CDH12: variants seen among roughly 807,000 people sequenced by gnomAD.
The protein encoded by CDH12 is cadherin 12.
CDH12 carries 41 observed loss-of-function variants against 74.1 expected under a neutral mutation model. The observed-to-expected ratio is 0.55, with a 90% CI of 0.43 to 0.72. The LOEUF (loss-of-function observed/expected upper bound fraction) is 0.72, where lower values mean the gene tolerates loss of function less well. CDH12 is among the 30% of genes least tolerant of loss of function. The pLI is 0.00. For missense variants in CDH12, 945 were observed against 977.2 expected (o/e 0.97, Z 0.44); for synonymous variants, 399 against 355.0 (o/e 1.12, Z -1.39).
chr5:21,840,430 A>G lies in CDH12; in HGVS notation c.814+1731T>C, dbSNP rs960121779. On this transcript the variant is annotated intron_variant, in intron 8 of 14. Transcript: ENST00000382254. ...AAATGTTCAACCCTGAAGATTTGTA[A>G]TTTTTTTTTTTTTAGATTCAATACC... Among the ~76,000 whole-genome samples the G allele has an allele frequency of 6.1e-5, 9 of 148,016 alleles. No homozygotes were observed. The South Asian group carries it at 1.9e-3, about 32-fold the overall frequency.
chr5:22,154,364 A>G (rs1170611424), intron 4 of CDH12, among the ~76,000 whole-genome samples: 2 of 151,210 alleles, frequency 1.3e-5, no homozygotes, highest in Non-Finnish European at 2.9e-5. Flanking sequence ...GAAAATTTCT[A>G]TCCTTTGACC....
At chr5:22,235,784 T>C (rs937566443) in intron 3 of CDH12, among the ~76,000 whole-genome samples, 1 of 152,150 alleles carries the variant, frequency 6.6e-6, no homozygotes, top group African/African-American at 2.4e-5. Context: ...GTTCATACAG[T>C]CCTGCCTCAC....
chr5:22,453,301 T>C (rs1405816621), intron 2 of CDH12, among the ~76,000 whole-genome samples: 1 of 152,116 alleles, frequency 6.6e-6, no homozygotes, highest in Non-Finnish European at 1.5e-5. Context: ...TATTGCAGCA[T>C]TCTTCACAAT....
At chr5:22,360,709 G>A (rs917459261) in intron 3 of CDH12, among the ~76,000 whole-genome samples, 4 of 152,162 alleles carry the variant, frequency 2.6e-5, no homozygotes, top group African/African-American at 7.2e-5. Context: ...GAATCCAGCA[G>A]CATGTCAAAA....
At chr5:22,507,454 G>C (rs1736435199) in intron 1 of CDH12, among the ~76,000 whole-genome samples, 1 of 152,030 alleles carries the variant, frequency 6.6e-6, no homozygotes, top group African/African-American at 2.4e-5. Context: ...TATTATAAAA[G>C]TTTAGTAGAA....
At chr5:22,240,355 A>C (rs1325958353) in intron 3 of CDH12, among the ~76,000 whole-genome samples, 1 of 152,186 alleles carries the variant, frequency 6.6e-6, no homozygotes, top group Non-Finnish European at 1.5e-5. Context: ...CTTATGTTTT[A>C]ATATGAGTAC....
intron 5 of CDH12, among the ~76,000 whole-genome samples, chr5:22,066,518 G>A (rs1194403219): frequency 6.6e-6 from 1 of 152,148 alleles, no homozygotes; most frequent in African/African-American, 2.4e-5. Context: ...AGTTCAGCTT[G>A]GGTCCATCTC....
chr5:21,948,815 T>C (rs1020066363), intron 6 of CDH12, among the ~76,000 whole-genome samples: 7 of 152,162 alleles, frequency 4.6e-5, no homozygotes, highest in Non-Finnish European at 8.8e-5. Flanking sequence ...TGGAAGGTGA[T>C]TGGATCATGT....
chr5:22,091,506 A>G (rs1307291667), intron 4 of CDH12, among the ~76,000 whole-genome samples: 1 of 151,914 alleles, frequency 6.6e-6, no homozygotes, highest in African/African-American at 2.4e-5. Context: ...CTAACAAAAG[A>G]AGTGAAAAAT....
At chr5:22,747,348 G>A (rs1002572461) in intron 1 of CDH12, among the ~76,000 whole-genome samples, 2 of 151,606 alleles carry the variant, frequency 1.3e-5, no homozygotes, top group African/African-American at 4.9e-5. Context: ...AAAAGACCAG[G>A]TGTAGTGGCT....
chr5:21,881,606 T>A (rs565860412), intron 6 of CDH12, among the ~76,000 whole-genome samples: 60 of 152,298 alleles, frequency 3.9e-4, no homozygotes, highest in African/African-American at 1.3e-3. Context: ...TTTTTTTAAA[T>A]TTGGAATTGA....
intron 1 of CDH12, among the ~76,000 whole-genome samples, chr5:22,588,293 G>A (rs1192375899): frequency 6.6e-6 from 1 of 152,032 alleles, no homozygotes; most frequent in African/African-American, 2.4e-5. Flanking sequence ...TTAAAGCACA[G>A]GAGGAATAAT....
At chr5:22,784,058 A>G (rs1192935376) in intron 1 of CDH12, among the ~76,000 whole-genome samples, 1 of 152,046 alleles carries the variant, frequency 6.6e-6, no homozygotes, top group African/African-American at 2.4e-5. Context: ...TTTTCTCTAT[A>G]TATTTATATA....
At chr5:22,553,659 T>C (rs192295538) in intron 1 of CDH12, among the ~76,000 whole-genome samples, 33 of 152,250 alleles carry the variant, frequency 2.2e-4, no homozygotes, top group Non-Finnish European at 4.0e-4. Context: ...TCCATAACAA[T>C]GGATAGTAAG....
At chr5:22,417,319 T>G (rs1448742122) in intron 2 of CDH12, among the ~76,000 whole-genome samples, 3 of 152,200 alleles carry the variant, frequency 2.0e-5, no homozygotes, top group African/African-American at 7.2e-5. Flanking sequence ...CAAGAGGTGA[T>G]TAGGTTATGA....
At chr5:22,795,411 A>G (rs1425586735) in intron 1 of CDH12, among the ~76,000 whole-genome samples, 1 of 152,096 alleles carries the variant, frequency 6.6e-6, no homozygotes, top group African/African-American at 2.4e-5. Context: ...ACCTGACATA[A>G]GGAAGGCAAA....
intron 6 of CDH12, among the ~76,000 whole-genome samples, chr5:21,904,771 T>A (rs1419600381): frequency 7.4e-6 from 1 of 134,856 alleles, no homozygotes; most frequent in Non-Finnish European, 1.6e-5. Context: ...AGCATGACAG[T>A]GTCTCTAAAA....
At chr5:21,895,891 G>T (rs1298573271) in intron 6 of CDH12, among the ~76,000 whole-genome samples, 1 of 152,144 alleles carries the variant, frequency 6.6e-6, no homozygotes, top group Non-Finnish European at 1.5e-5. Flanking sequence ...TCTAGCATTG[G>T]GTAGGATCTC....
At chr5:22,636,944 A>C (rs1738872738) in intron 1 of CDH12, among the ~76,000 whole-genome samples, 1 of 152,206 alleles carries the variant, frequency 6.6e-6, no homozygotes, top group African/African-American at 2.4e-5. Context: ...CAGTAATTTC[A>C]TATCGGTTTT....
Sources: allele counts gnomAD v4.1 joint callset (sites outside exome capture counted in the v4.1 genomes callset), GRCh38; gene constraint gnomAD v4.1.1; transcripts MANE v1.5; gene names NCBI Gene and HGNC (gene_info 2026-07-23, HGNC 2026-07-21).